EXOC1L: variants seen among roughly 807,000 people sequenced by gnomAD.
The protein encoded by EXOC1L is exocyst complex component 1 like.
EXOC1L carries 10 observed loss-of-function variants against 4.9 expected under a neutral mutation model. The observed-to-expected ratio is 2.02, with a 90% CI of 1.25 to 3.43. EXOC1L has a LOEUF of 3.43. Among genes scored for constraint, EXOC1L ranks in the 30% most tolerant of loss-of-function variants. EXOC1L has a pLI of 0.00. For synonymous variants in EXOC1L, 41 were observed against 20.8 expected (o/e 1.97, Z -2.63); for missense variants, 114 against 59.4 (o/e 1.92, Z -3.02).
At chr4:55,837,004 T>A in intron 2 of EXOC1L, 81 bp from the exon 3 acceptor site, 1 of 563,678 alleles carries the variant, frequency 1.8e-6, no homozygotes. Context: ...AATAAACATA[T>A]CCAAGAGAAT....
intron 1 of EXOC1L, among the ~76,000 whole-genome samples, chr4:55,827,491 A>C (rs1484803809): frequency 6.6e-6 from 1 of 152,220 alleles, no homozygotes; most frequent in Non-Finnish European, 1.5e-5. Context: ...AATCTCAGTG[A>C]CAGCAGGAAT....
At chr4:55,827,382 A>AGACG (rs1346231207) in intron 1 of EXOC1L, among the ~76,000 whole-genome samples, 1 of 152,186 alleles carries the variant, frequency 6.6e-6, no homozygotes, top group African/African-American at 2.4e-5. Context: ...CCCCACTTGG[A>AGACG]TGAAGACATC....
intron 2 of EXOC1L, among the ~76,000 whole-genome samples, chr4:55,834,250 G>A (rs1720106471): frequency 6.6e-6 from 1 of 151,922 alleles, no homozygotes. Flanking sequence ...CAAAATGACT[G>A]GGGATTTGGA....
At chr4:55,823,161 A>G (rs975845744) in intron 1 of EXOC1L, among the ~76,000 whole-genome samples, 22 of 152,096 alleles carry the variant, frequency 1.4e-4, no homozygotes, top group African/African-American at 5.1e-4. Flanking sequence ...TAAAAATAAT[A>G]TGCATAAATT....
chr4:55,829,504 A>G (rs1387044792), intron 1 of EXOC1L, among the ~76,000 whole-genome samples: 1 of 152,204 alleles, frequency 6.6e-6, no homozygotes, highest in African/African-American at 2.4e-5. Flanking sequence ...TATCCTGTAC[A>G]TAACTGCTGC....
intron 1 of EXOC1L, among the ~76,000 whole-genome samples, chr4:55,820,477 T>C (rs1316475332): frequency 6.6e-6 from 1 of 152,232 alleles, no homozygotes; most frequent in East Asian, 1.9e-4. Context: ...CAAGAGCTCA[T>C]TTTTAAAAAT....
At chr4:55,824,155 T>G (rs1176843864) in intron 1 of EXOC1L, among the ~76,000 whole-genome samples, 3 of 152,076 alleles carry the variant, frequency 2.0e-5, no homozygotes, top group Non-Finnish European at 1.5e-5. Context: ...ACCTTGAATA[T>G]TAAAGTAGAT....
At chr4:55,829,496 T>C (rs1184074602) in intron 1 of EXOC1L, among the ~76,000 whole-genome samples, 1 of 152,218 alleles carries the variant, frequency 6.6e-6, no homozygotes, top group Non-Finnish European at 1.5e-5. Flanking sequence ...CTTCCATGTA[T>C]CCTGTACATA....
intron 1 of EXOC1L, among the ~76,000 whole-genome samples, chr4:55,829,224 C>T (rs570203188): frequency 2.0e-4 from 30 of 152,280 alleles, no homozygotes; most frequent in African/African-American, 6.0e-4. Flanking sequence ...ACATTTTTAA[C>T]AGTTACTGTA....
At chr4:55,830,151 A>C (rs1243868591) in intron 1 of EXOC1L, among the ~76,000 whole-genome samples, 1 of 152,136 alleles carries the variant, frequency 6.6e-6, no homozygotes, top group African/African-American at 2.4e-5. Context: ...CCTATTGAAC[A>C]TGTAGTCTGC....
Position 55,819,871 on chromosome 4 carries a change from G to C in EXOC1L, c.-156G>C, listed in dbSNP as rs142735374. The C allele has an allele frequency of 2.6e-6, 1 of 381,266 alleles. No homozygotes were observed. Among genetic ancestry groups the C allele is most frequent in the African/African-American group, 2.1e-5 (1 of 48,350 alleles). 23.6% of individuals were successfully genotyped at this position (381,266 alleles called of 1,614,324 possible). A position where few individuals can be genotyped will look rare whatever the true frequency, so the allele number is the denominator to read the frequency against. ...CCGCGCTGAGTGCTCTCGGGAATCT[G>C]GGCTCTGGCTAGGAATGAGAAGTTA... On this transcript the variant is annotated 5_prime_UTR_variant, in exon 1 of 3. Transcript: ENST00000636125.
At chr4:55,826,125 T>G (rs1326833243) in intron 1 of EXOC1L, among the ~76,000 whole-genome samples, 1 of 150,214 alleles carries the variant, frequency 6.7e-6, no homozygotes, top group Non-Finnish European at 1.5e-5. Context: ...AAAAAGAAAA[T>G]TACTCTTTTG....
chr4:55,829,730 C>T (rs983515222), intron 1 of EXOC1L, among the ~76,000 whole-genome samples: 2 of 152,180 alleles, frequency 1.3e-5, no homozygotes, highest in African/African-American at 4.8e-5. Flanking sequence ...TTTAGTATCA[C>T]TGGCACCATC....
chr4:55,837,301 T>G lies in EXOC1L; in HGVS notation c.469T>G (p.Phe157Val), dbSNP rs759382524. 1 of 673,494 alleles carries G rather than the reference T, an allele frequency of 1.5e-6. No homozygotes were observed. The allele number at this position is 673,494 out of a possible 1,614,324, so 41.7% of individuals were successfully genotyped here. A position where few individuals can be genotyped will look rare whatever the true frequency, so the allele number is the denominator to read the frequency against. Residue 157 changes from phenylalanine to valine, a missense_variant, in exon 3 of 3, where the codon TTT becomes GTT. By Grantham distance (50) the Phe-to-Val change is conservative. Coordinates refer to ENST00000636125, the MANE Select transcript of EXOC1L (RefSeq NM_001351574.3). ...TTGTTTGGTCCTTATGAGAATATGC[T>G]TTTACGCTTTCAATCTTGTGTGCTT... ...KDCLVLMRIC[F>V]YAFNLVCLSL...
chr4:55,825,801 C>T (rs1267813817), intron 1 of EXOC1L, among the ~76,000 whole-genome samples: 44 of 151,954 alleles, frequency 2.9e-4, no homozygotes, highest in Admixed American at 2.9e-3. Flanking sequence ...ACTCTTTTGG[C>T]CAGGCATGGT....
At position 55,831,400 on chromosome 4, in the gene EXOC1L, A is replaced by G. The variant is rs2110284296; in HGVS notation, c.188A>G (p.Tyr63Cys). Reference protein sequence around the residue: ...KHYRIGLDEKYEVTKKWSLND... With the variant: ...KHYRIGLDEKCEVTKKWSLND... The stretch of plus-strand genomic sequence containing the variant: ...TACAGAATAGGTTTAGATGAAAAAT[A>G]TGAAGTAACAAAAAAGTGGTCTTTG... The change falls in exon 2 of 3, where the codon TAT (tyrosine) becomes TGT (cysteine). Residue 63 changes from tyrosine to cysteine, a missense_variant. Tyr to Cys is a radical substitution (Grantham distance 194). Coordinates refer to ENST00000636125, the MANE Select transcript of EXOC1L (RefSeq NM_001351574.3). 3 of 694,418 alleles carry G rather than the reference A, an allele frequency of 4.3e-6. No individual in the cohort carries two copies. The East Asian group carries it at 8.2e-5, about 19-fold the overall frequency. The allele number at this position is 694,418 out of a possible 1,614,324, so 43.0% of individuals were successfully genotyped here. A position where few individuals can be genotyped will look rare whatever the true frequency, so the allele number is the denominator to read the frequency against.
At chr4:55,828,705 A>G (rs1577665670) in intron 1 of EXOC1L, among the ~76,000 whole-genome samples, 1 of 152,234 alleles carries the variant, frequency 6.6e-6, no homozygotes, top group Middle Eastern at 3.4e-3. Context: ...TTAGCCAGGC[A>G]TAGTGGTGCA....
intron 2 of EXOC1L, among the ~76,000 whole-genome samples, chr4:55,832,260 C>T (rs776076642): frequency 2.0e-5 from 3 of 152,084 alleles, no homozygotes; most frequent in Non-Finnish European, 4.4e-5. Flanking sequence ...TTATCATAGG[C>T]TGATAGATGA....
At chr4:55,833,431 A>T (rs972412567) in intron 2 of EXOC1L, among the ~76,000 whole-genome samples, 1 of 151,850 alleles carries the variant, frequency 6.6e-6, no homozygotes, top group Non-Finnish European at 1.5e-5. Flanking sequence ...GTACTTTAAT[A>T]AGTTACCTCT....
Sources: allele counts gnomAD v4.1 joint callset (sites outside exome capture counted in the v4.1 genomes callset), GRCh38; gene constraint gnomAD v4.1.1; transcripts MANE v1.5; gene names NCBI Gene and HGNC (gene_info 2026-07-23, HGNC 2026-07-21).